Variants in MTMR6 observed in about 807,000 individuals in gnomAD.
MTMR6 encodes phosphatidylinositol-3,5-bisphosphate 3-phosphatase MTMR6.
Under a neutral mutation model 80.1 loss-of-function variants are expected in MTMR6, and 47 were observed. The ratio of observed to expected loss-of-function variants is 0.59; its 90% CI spans 0.46 to 0.75. MTMR6 has a LOEUF of 0.75. Among genes scored for constraint, MTMR6 ranks in the 30% least tolerant of loss-of-function variants. MTMR6 has a pLI of 0.00. For synonymous variants in MTMR6, 254 were observed against 253.0 expected (o/e 1.00, Z -0.04); for missense variants, 629 against 730.9 (o/e 0.86, Z 1.61).
At chr13:25,270,451 TC>T (rs1175649851) in intron 2 of MTMR6, among the ~76,000 whole-genome samples, 1 of 152,124 alleles carries the variant, frequency 6.6e-6, no homozygotes, top group Admixed American at 6.5e-5. Flanking sequence ...AACACAGATA[TC>T]TTTTTGTTGC....
At position 25,257,240 on chromosome 13, in the gene MTMR6, A is replaced by C; in HGVS notation, c.1051T>G (p.Ser351Ala). 6.2e-7 allele frequency: 1 copy of C among 1,613,986 alleles called. No individual in the cohort carries two copies. The highest frequency in any genetic ancestry group is 8.5e-7 in the Non-Finnish European group (1 of 1,179,890). The change falls in exon 9 of 14, where the codon TCT becomes GCT. Residue 351 changes from serine to alanine, a missense_variant. Physicochemically the swap from Ser to Ala is moderately conservative, Grantham distance 99. Coordinates refer to ENST00000381801, the MANE Select transcript of MTMR6 (RefSeq NM_004685.5). ...DRTSQVCSLG[S>A]LLLDSYYRTI... ...CTGTAGTAGGAATCCAATAAAAGAG[A>C]ACCCAGGGAACAAACCTGGGAAGTC...
intron 11 of MTMR6, 32 bp downstream of exon 11, chr13:25,253,731 GA>G (rs746368116): frequency 1.9e-6 from 3 of 1,582,018 alleles, no homozygotes; most frequent in Admixed American, 3.4e-5. Flanking sequence ...TAAGTAGGGG[GA>G]AAAGGAGACT....
intron 1 of MTMR6, among the ~76,000 whole-genome samples, chr13:25,274,404 A>T (rs971998237): frequency 1.3e-5 from 2 of 152,242 alleles, no homozygotes; most frequent in African/African-American, 4.8e-5. Flanking sequence ...TAACCAATAG[A>T]GAACCACATT....
Position 25,249,479 on chromosome 13 carries a change from C to T in MTMR6, c.1619G>A (p.Arg540His), listed in dbSNP as rs772892485. The T allele has an allele frequency of 2.5e-5, 40 of 1,611,610 alleles. No homozygotes were observed. The highest frequency in any genetic ancestry group is 4.4e-5 in the South Asian group (4 of 90,952). The change falls in exon 14 of 14, where the codon CGC (arginine) becomes CAC (histidine). Residue 540 changes from arginine to histidine, a missense_variant. Transcript: ENST00000381801. ...GATGCCATCTGTTTGCTTATTTTTG[C>T]GTTGTTTAATTTTCTAGAACAAACA... is the stretch of plus-strand genomic sequence containing the variant. ...IKDLESKIKQ[R>H]KNKQTDGILT...
Position 25,257,915 on chromosome 13 carries a change from C to G in MTMR6, c.860-70G>C. 2 of 1,074,590 alleles carry G rather than the reference C, an allele frequency of 1.9e-6. 1 individual carries two copies. The highest frequency in any genetic ancestry group is 2.9e-5 in the South Asian group (2 of 67,966). 66.6% of individuals were successfully genotyped at this position (1,074,590 alleles called of 1,614,324 possible). On this transcript the variant is annotated intron_variant, in intron 7 of 13. Coordinates refer to ENST00000381801, the MANE Select transcript of MTMR6 (RefSeq NM_004685.5). Reference sequence around the variant, plus strand: ...TTCTGCATTTCTTTTTTCAAGATCTCTCTAGATAAGTGAATGAAGAAAGAA... The same window carrying G: ...TTCTGCATTTCTTTTTTCAAGATCTGTCTAGATAAGTGAATGAAGAAAGAA...
intron 1 of MTMR6, among the ~76,000 whole-genome samples, chr13:25,279,321 C>CTCCTT (rs939779547): frequency 2.6e-5 from 4 of 152,096 alleles, no homozygotes; most frequent in Non-Finnish European, 5.9e-5. Flanking sequence ...TTTGCTCTCT[C>CTCCTT]TCTCTCCTGC....
rs769522305 is a variant in MTMR6 at position 25,266,190 on chromosome 13, T to C, written c.401A>G (p.Tyr134Cys). Residue 134 changes from tyrosine to cysteine, a missense_variant, in exon 4 of 14, where the codon TAT (tyrosine) becomes TGT (cysteine). Tyr to Cys is a radical substitution (Grantham distance 194, BLOSUM62 -2). Coordinates refer to ENST00000381801, the MANE Select transcript of MTMR6 (RefSeq NM_004685.5). ...TGAGTTTGGCACTCCCATCCTCTTATATTCCTCAGCGAGATCAATGAGCTG... is the reference window on the plus strand; with the variant it reads ...TGAGTTTGGCACTCCCATCCTCTTACATTCCTCAGCGAGATCAATGAGCTG... ...GWQLIDLAEE[Y>C]KRMGVPNSHW... 24 of 1,614,080 alleles carry C rather than the reference T, an allele frequency of 1.5e-5. No individual in the cohort carries two copies. Among genetic ancestry groups the C allele is most frequent in the South Asian group, 4.4e-5 (4 of 91,084 alleles).
chr13:25,282,628 A>T, intron 1 of MTMR6, among the ~76,000 whole-genome samples: 1 of 142,318 alleles, frequency 7.0e-6, no homozygotes. Context: ...TTTTTTTGAG[A>T]CAGAGTGCTG....
chr13:25,255,682 C>T (rs1310057204), intron 9 of MTMR6, among the ~76,000 whole-genome samples: 1 of 152,156 alleles, frequency 6.6e-6, no homozygotes, highest in Non-Finnish European at 1.5e-5. Context: ...CATCACCATG[C>T]CCGGCTAATT....
At chr13:25,282,778 T>C (rs1957883676) in intron 1 of MTMR6, among the ~76,000 whole-genome samples, 1 of 151,712 alleles carries the variant, frequency 6.6e-6, no homozygotes, top group Admixed American at 6.6e-5. Flanking sequence ...GCTAATTTTT[T>C]GTATTTTTAG....
chr13:25,269,635 G>A (rs927373181), intron 2 of MTMR6, among the ~76,000 whole-genome samples: 2 of 151,918 alleles, frequency 1.3e-5, no homozygotes, highest in Non-Finnish European at 2.9e-5. Flanking sequence ...AGTGAGGGAT[G>A]ATTATTTATA....
intron 9 of MTMR6, among the ~76,000 whole-genome samples, chr13:25,255,201 G>A (rs185011556): frequency 1.2e-3 from 184 of 152,260 alleles, no homozygotes; most frequent in Middle Eastern, 3.4e-3. Flanking sequence ...TCTGCTTTCC[G>A]CAGAAGGCTA....
Position 25,257,838 on chromosome 13 carries a change from G to A in MTMR6, c.867C>T (p.Gly289=). 2 of 1,610,398 alleles carry A rather than the reference G, an allele frequency of 1.2e-6. No homozygotes were observed. The highest frequency in any genetic ancestry group is 1.7e-6 in the Non-Finnish European group (2 of 1,177,806). ...AATCATTGACAGAAAGCCCTTTAGT[G>A]CCATTGACTGAAAGAGGTATAAAAA... ...SSLQKLLEVN[G]TKGLSVNDFY... Residue 289 remains glycine, a synonymous_variant, in exon 8 of 14, where the codon GGC becomes GGT. Transcript: ENST00000381801.
intron 1 of MTMR6, among the ~76,000 whole-genome samples, chr13:25,275,021 G>A (rs1957687985): frequency 1.1e-5 from 1 of 90,028 alleles, no homozygotes; most frequent in Non-Finnish European, 2.8e-5. Flanking sequence ...GTTGCTGCTG[G>A]CGTGGAGAGT....
chr13:25,251,560 T>G lies in MTMR6; in HGVS notation c.1605+89A>C, dbSNP rs1420148340. The stretch of plus-strand genomic sequence containing the variant: ...AGAAACTGCTTACTTCAGAAGTTTA[T>G]GTGCTGATTTACACCAACAATACAA... On this transcript the variant is annotated intron_variant, in intron 13 of 13. Transcript: ENST00000381801. The surrounding 1 kb of genome is among the most constrained non-coding windows in gnomAD (Gnocchi z 4.1). 14 of 1,178,822 alleles carry G rather than the reference T, an allele frequency of 1.2e-5. No individual in the cohort carries two copies. The highest frequency in any genetic ancestry group is 1.7e-5 in the Non-Finnish European group (14 of 844,670). The allele number at this position is 1,178,822 out of a possible 1,614,324, so 73.0% of individuals were successfully genotyped here.
chr13:25,273,178 T>C (rs985117167), intron 2 of MTMR6, among the ~76,000 whole-genome samples: 1 of 152,118 alleles, frequency 6.6e-6, no homozygotes, highest in African/African-American at 2.4e-5. Context: ...ATGTACAACA[T>C]TGTGTAATAC....
intron 2 of MTMR6, among the ~76,000 whole-genome samples, chr13:25,271,734 C>T (rs141523534): frequency 6.6e-6 from 1 of 152,280 alleles, no homozygotes; most frequent in Non-Finnish European, 1.5e-5. Flanking sequence ...ATGTTGGCTC[C>T]ATGAGGATAG....
Position 25,263,638 on chromosome 13 carries a change from G to T in MTMR6, c.592-1836C>A, listed in dbSNP as rs575746911. 4.1e-3 allele frequency among the ~76,000 whole-genome samples: 619 copies of T among 152,288 alleles called. 3 individuals are homozygous for T. The highest frequency in any genetic ancestry group is 6.5e-3 in the Non-Finnish European group (443 of 68,030). Reference sequence around the variant, plus strand: ...ACGGTGGCTCACACCTGCAATCCCAGCACTTTGGGAGGCCGAGGCCGGTGG... The same window carrying T: ...ACGGTGGCTCACACCTGCAATCCCATCACTTTGGGAGGCCGAGGCCGGTGG... On this transcript the variant is annotated intron_variant, in intron 5 of 13. Transcript: ENST00000381801.
chr13:25,286,374 C>T (rs1400802706), intron 1 of MTMR6, among the ~76,000 whole-genome samples: 3 of 152,138 alleles, frequency 2.0e-5, no homozygotes, highest in African/African-American at 7.2e-5. Flanking sequence ...TTGCAGTGGG[C>T]TCGCAGTGAT....
Sources: allele counts gnomAD v4.1 joint callset (sites outside exome capture counted in the v4.1 genomes callset), GRCh38; gene constraint gnomAD v4.1.1; non-coding constraint Gnocchi (gnomAD v3.1); transcripts MANE v1.5; gene names NCBI Gene and HGNC (gene_info 2026-07-23, HGNC 2026-07-21).